Variants in DUS4L observed in about 807,000 individuals in gnomAD.
DUS4L encodes tRNA-dihydrouridine(20a/20b) synthase [NAD(P)+]-like.
DUS4L carries 31 observed loss-of-function variants against 33.8 expected under a neutral mutation model. The ratio of observed to expected loss-of-function variants is 0.92; its 90% confidence interval spans 0.69 to 1.24. DUS4L has a LOEUF of 1.24. Among genes scored for constraint, DUS4L ranks in the 50% most tolerant of loss-of-function variants. The pLI is 0.00. For missense variants in DUS4L, 368 were observed against 388.6 expected (o/e 0.95, Z 0.45); for synonymous variants, 103 against 120.3 (o/e 0.86, Z 0.94).
At position 107,572,138 on chromosome 7, in the gene DUS4L, C is replaced by T. The variant is rs968664640; in HGVS notation, c.238+872C>T. On this transcript the variant is annotated intron_variant, in intron 4 of 7. Coordinates refer to ENST00000265720, the MANE Select transcript of DUS4L (RefSeq NM_181581.3). ...TTTCCTCTTTATATGCCTGTTTCTCCCATTAGGTTCGGCCTCCTTGAGGGC... is the reference window on the plus strand; with the variant it reads ...TTTCCTCTTTATATGCCTGTTTCTCTCATTAGGTTCGGCCTCCTTGAGGGC... Among the ~76,000 whole-genome samples, 81 of 152,102 alleles carry T rather than the reference C, an allele frequency of 5.3e-4. 1 individual carries two copies. The highest frequency in any genetic ancestry group is 3.4e-3 in the Middle Eastern group (1 of 292).
intron 5 of DUS4L, chr7:107,574,945 T>C: frequency 2.0e-6 from 1 of 504,092 alleles, no homozygotes; most frequent in Non-Finnish European, 3.4e-6. Context: ...GTTGAATGAC[T>C]TTTAACTTAA....
chr7:107,574,924 A>C, intron 5 of DUS4L: 1 of 430,878 alleles, frequency 2.3e-6, no homozygotes, highest in Non-Finnish European at 4.1e-6. Flanking sequence ...CAAATATTTA[A>C]ACCTGTTTTG....
intron 3 of DUS4L, among the ~76,000 whole-genome samples, chr7:107,568,147 G>C (rs984463214): frequency 6.6e-6 from 1 of 152,114 alleles, no homozygotes; most frequent in African/African-American, 2.4e-5. Flanking sequence ...AAATACCCAT[G>C]GTTCGTAACA....
At chr7:107,573,655 A>G (rs775710745) in intron 4 of DUS4L, 49 bp from the exon 5 acceptor site, 2 of 1,573,544 alleles carry the variant, frequency 1.3e-6, no homozygotes, top group Non-Finnish European at 1.7e-6. Context: ...GTGTGTGTGC[A>G]TGGGGTTTTT....
chr7:107,567,782 G>A, intron 3 of DUS4L: 1 of 452,060 alleles, frequency 2.2e-6, no homozygotes, highest in Non-Finnish European at 4.4e-6. Flanking sequence ...ACATTAAACT[G>A]TGACTCCCCA....
chr7:107,576,901 AATG>A (rs1457916083), intron 7 of DUS4L: 1 of 300,356 alleles, frequency 3.3e-6, no homozygotes, highest in Admixed American at 4.7e-5. Context: ...TGAACTCGAG[AATG>A]ATAAGAGCTA....
intron 2 of DUS4L, among the ~76,000 whole-genome samples, chr7:107,566,687 A>T (rs1804736419): frequency 6.6e-6 from 1 of 152,156 alleles, no homozygotes; most frequent in African/African-American, 2.4e-5. Context: ...GTCGAGTATC[A>T]TATATAAAAT....
chr7:107,573,037 A>C (rs766115956), intron 4 of DUS4L, among the ~76,000 whole-genome samples: 1 of 152,348 alleles, frequency 6.6e-6, no homozygotes, highest in Non-Finnish European at 1.5e-5. Flanking sequence ...AAGAGAGCTC[A>C]CAAATTAGAA....
At chr7:107,573,900 G>C in intron 5 of DUS4L, 79 bp downstream of exon 5, 1 of 1,390,770 alleles carries the variant, frequency 7.2e-7, no homozygotes. Context: ...TATCTTTCTA[G>C]TTTTCCAAAA....
Position 107,576,523 on chromosome 7 carries a change from G to C in DUS4L, c.637G>C (p.Val213Leu), listed in dbSNP as rs754797451. ...KIIKENMSIPVIANGDIRSLK... is the reference protein window; with the variant it reads ...KIIKENMSIPLIANGDIRSLK... The stretch of plus-strand genomic sequence containing the variant: ...AATTAAGGAAAATATGTCTATACCT[G>C]TAATTGCTAATGGAGACATCAGAAG... The change falls in exon 7 of 8, where the codon GTA becomes CTA. Residue 213 changes from valine to leucine, a missense_variant. By Grantham distance (32) the Val-to-Leu change is conservative. Transcript: ENST00000265720. 43 of 1,607,024 alleles carry C rather than the reference G, an allele frequency of 2.7e-5. No homozygotes were observed. Among genetic ancestry groups the C allele is most frequent in the Non-Finnish European group, 3.6e-5 (42 of 1,177,806 alleles).
intron 5 of DUS4L, among the ~76,000 whole-genome samples, chr7:107,574,513 T>C (rs1482818356): frequency 6.6e-6 from 1 of 152,036 alleles, no homozygotes; most frequent in East Asian, 1.9e-4. Context: ...TAATTTTGTA[T>C]TTTTAGTAGA....
Position 107,577,891 on chromosome 7 carries a change from T to C in DUS4L, c.*331T>C. 1 of 167,686 alleles carries C rather than the reference T, an allele frequency of 6.0e-6. No individual in the cohort carries two copies. Among genetic ancestry groups the C allele is most frequent in the Non-Finnish European group, 1.3e-5 (1 of 77,672 alleles). 10.4% of individuals were successfully genotyped at this position (167,686 alleles called of 1,614,324 possible). ...TGGGAATTTTTTCCTAATCATGTTTTTAACATTTTAAAATAAAATTTAATA... is the reference window on the plus strand; with the variant it reads ...TGGGAATTTTTTCCTAATCATGTTTCTAACATTTTAAAATAAAATTTAATA... On this transcript the variant is annotated 3_prime_UTR_variant, in exon 8 of 8. Coordinates refer to ENST00000265720, the MANE Select transcript of DUS4L (RefSeq NM_181581.3).
intron 4 of DUS4L, among the ~76,000 whole-genome samples, chr7:107,572,104 G>A (rs1196663256): frequency 1.3e-5 from 2 of 149,578 alleles, no homozygotes; most frequent in African/African-American, 4.9e-5. Flanking sequence ...TAATTCTACT[G>A]CATTATGATT....
At chr7:107,569,650 ATG>A (rs956839213) in intron 3 of DUS4L, among the ~76,000 whole-genome samples, 1 of 28,496 alleles carries the variant, frequency 3.5e-5, no homozygotes, top group African/African-American at 1.8e-4. Flanking sequence ...AGTTCTGCAC[ATG>A]TTTTGTAAGA....
In DUS4L at chr7:107,564,099, G is replaced by A; in HGVS notation, c.-221G>A. On this transcript the variant is annotated 5_prime_UTR_variant, in exon 1 of 8. Transcript: ENST00000265720. ...GGCGCCCAGGGTCCGAGTGCTCTGC[G>A]CCCAGCGCACCGAGGGAGCCAAGGC... is the stretch of plus-strand genomic sequence containing the variant. The A allele has an allele frequency of 1.6e-6, 2 of 1,250,438 alleles. No homozygotes were observed. Among genetic ancestry groups the A allele is most frequent in the South Asian group, 1.3e-5 (1 of 75,844 alleles). The allele number at this position is 1,250,438 out of a possible 1,614,324, so 77.5% of individuals were successfully genotyped here.
At chr7:107,570,918 G>A in intron 3 of DUS4L, 1 of 451,512 alleles carries the variant, frequency 2.2e-6, no homozygotes, top group South Asian at 2.3e-5. Flanking sequence ...CAGGTCCTGA[G>A]GTCACTAGCC....
rs1041461793 is a variant in DUS4L at position 107,575,042 on chromosome 7, G to T, written c.357-146G>T. Reference sequence around the variant, plus strand: ...TCCTAATCTCATATTGATCCACTTAGAAATGTTGAATCTATGAATTTTTTA... The same window carrying T: ...TCCTAATCTCATATTGATCCACTTATAAATGTTGAATCTATGAATTTTTTA... On this transcript the variant is annotated intron_variant, in intron 5 of 7. Transcript: ENST00000265720. 5 of 1,039,108 alleles carry T rather than the reference G, an allele frequency of 4.8e-6. No homozygotes were observed. In the African/African-American group the frequency reaches 8.1e-5, roughly 17 times the overall value. 64.4% of individuals were successfully genotyped at this position (1,039,108 alleles called of 1,614,324 possible). A position where few individuals can be genotyped will look rare whatever the true frequency, so the allele number is the denominator to read the frequency against.
At chr7:107,567,348 A>G (rs1413075879) in intron 3 of DUS4L, among the ~76,000 whole-genome samples, 162 bp downstream of exon 3, 2 of 152,142 alleles carry the variant, frequency 1.3e-5, no homozygotes, top group Non-Finnish European at 2.9e-5. Context: ...TGCCTAGTAT[A>G]TATGTGATCC....
In DUS4L at chr7:107,569,073, G is replaced by A. The variant is rs563770800; in HGVS notation, c.116+1887G>A. ...TACAAAAATTAGTCAGCGTGGTGGC[G>A]CATGCCAATAGTCCCAGCTGCTGGG... On this transcript the variant is annotated intron_variant, in intron 3 of 7. Coordinates refer to ENST00000265720, the MANE Select transcript of DUS4L (RefSeq NM_181581.3). 3.9e-5 allele frequency among the ~76,000 whole-genome samples: 6 copies of A among 152,326 alleles called. No individual in the cohort carries two copies. In the South Asian group the frequency reaches 1.0e-3, roughly 26 times the overall value.
Sources: gnomAD v4.1 joint callset for allele counts (sites outside exome capture counted in the v4.1 genomes callset) on GRCh38, gnomAD v4.1.1 for gene constraint, MANE v1.5 for transcripts, NCBI Gene and HGNC (gene_info 2026-07-23, HGNC 2026-07-21) for gene names.